DENND1B: variants seen among roughly 807,000 people sequenced by gnomAD.
DENND1B encodes DENN domain-containing protein 1B.
In DENND1B, 59 loss-of-function variants were observed where a neutral mutation model predicts 90.1. The observed-to-expected ratio is 0.65, with a 90% CI of 0.53 to 0.81. DENND1B has a LOEUF of 0.81. Ranked by LOEUF, DENND1B falls within the 40% of genes least tolerant of loss-of-function variation. The pLI is 0.00. For missense variants in DENND1B, 862 were observed against 912.6 expected (o/e 0.94, Z 0.71); for synonymous variants, 337 against 324.6 (o/e 1.04, Z -0.41).
chr1:197,685,709 T>A (rs1657163375), intron 3 of DENND1B: 1 of 152,084 alleles, frequency 6.6e-6, no homozygotes, highest in African/African-American at 2.4e-5. Flanking sequence ...AGTGATCAAT[T>A]AGTTGTAAGA....
At chr1:197,523,960 T>A (rs63570561) in intron 20 of DENND1B, among the ~76,000 whole-genome samples, 1 of 144,012 alleles carries the variant, frequency 6.9e-6, no homozygotes, top group Non-Finnish European at 1.5e-5. Context: ...ATTTTTTTTT[T>A]AAGTCAAGTG....
rs1435040029 is a variant in DENND1B at position 197,656,827 on chromosome 1, CAAAGATTAAGGGAAAAAAAAATT to C, written c.366+1450_366+1472del. Among the ~76,000 whole-genome samples the C allele has an allele frequency of 4.4e-3, 667 of 151,002 alleles. 8 individuals carry two copies. The highest frequency in any genetic ancestry group is 0.015 in the African/African-American group (624 of 41,112). ...TCCAAAAAAAATTTAAAAAAAAAAT[CAAAGATTAAGGGAAAAAAAAATT>C]AAAATCATTATCCCATAGAATTTTG... On this transcript the variant is annotated intron_variant, in intron 6 of 22. Transcript: ENST00000620048.
Position 197,540,014 on chromosome 1 carries a change from T to A in DENND1B, c.1465A>T (p.Lys489Ter). Residue 489 changes from lysine to a stop codon, truncating the protein, a stop_gained, in exon 20 of 23, where the codon AAA (lysine) becomes TAA (stop). Transcript: ENST00000620048. LOFTEE classifies it high-confidence loss of function. ...TTTCCTCCCTTTTCATTGTGTAATT[T>A]GTAAACTGGTGTATATTGTACAGAA... Reference protein sequence around the residue: ...SSSVQYTPVYKLHNEKGGNSE... With the variant: ...SSSVQYTPVY The A allele has an allele frequency of 6.2e-7, 1 of 1,613,524 alleles. No individual in the cohort carries two copies. Among genetic ancestry groups the A allele is most frequent in the Non-Finnish European group, 8.5e-7 (1 of 1,179,616 alleles).
At chr1:197,549,168 A>T (rs1671035460) in intron 16 of DENND1B, among the ~76,000 whole-genome samples, 1 of 152,098 alleles carries the variant, frequency 6.6e-6, no homozygotes, top group Admixed American at 6.6e-5. Context: ...AAAACTAGTG[A>T]TTTTCTCACA....
intron 3 of DENND1B, among the ~76,000 whole-genome samples, chr1:197,701,360 A>G (rs533403078): frequency 6.6e-6 from 1 of 152,326 alleles, no homozygotes; most frequent in African/African-American, 2.4e-5. Flanking sequence ...TTTCTCACTT[A>G]TAAGTGGGAG....
intron 8 of DENND1B, 84 bp downstream of exon 8, chr1:197,646,971 G>A (rs532542008): frequency 2.2e-4 from 218 of 1,002,994 alleles, no homozygotes; most frequent in Admixed American, 4.2e-4. Context: ...AAGGGCTGGA[G>A]TGAAGCTTAA....
intron 17 of DENND1B, among the ~76,000 whole-genome samples, 154 bp from the exon 18 acceptor site, chr1:197,546,144 C>A (rs996770382): frequency 4.6e-5 from 7 of 152,044 alleles, no homozygotes; most frequent in African/African-American, 7.2e-5. Context: ...TCAGTGTTTT[C>A]AAGTTTCTAT....
chr1:197,615,728 T>G (rs1263540726), intron 11 of DENND1B, among the ~76,000 whole-genome samples: 3 of 150,940 alleles, frequency 2.0e-5, no homozygotes, highest in Non-Finnish European at 4.5e-5. Context: ...ATTATATTAC[T>G]CCGTTCCTAT....
intron 2 of DENND1B, among the ~76,000 whole-genome samples, chr1:197,750,575 T>TAGATA (rs1345018431): frequency 1.3e-5 from 1 of 78,532 alleles, no homozygotes; most frequent in Non-Finnish European, 3.5e-5. Context: ...CAAACCTAGA[T>TAGATA]AGATAGATAG....
chr1:197,565,805 C>T (rs912486844), intron 15 of DENND1B, among the ~76,000 whole-genome samples: 2 of 150,512 alleles, frequency 1.3e-5, no homozygotes, highest in East Asian at 1.9e-4. Context: ...CATGTCCCTA[C>T]AAAGGACATG....
intron 16 of DENND1B, chr1:197,552,356 AG>A (rs1671307354): frequency 1.0e-6 from 1 of 985,428 alleles, no homozygotes; most frequent in Non-Finnish European, 1.2e-6. Flanking sequence ...CGACATTTCA[AG>A]GACTCAAGCA....
At chr1:197,667,577 G>A (rs1385014559) in intron 5 of DENND1B, among the ~76,000 whole-genome samples, 1 of 152,038 alleles carries the variant, frequency 6.6e-6, no homozygotes, top group Non-Finnish European at 1.5e-5. Context: ...TTATAGGCGT[G>A]CGCCACCACG....
At chr1:197,592,938 T>C (rs1050691147) in intron 14 of DENND1B, among the ~76,000 whole-genome samples, 3 of 152,174 alleles carry the variant, frequency 2.0e-5, no homozygotes, top group African/African-American at 7.2e-5. Context: ...AATTGTACTA[T>C]AGTAGCAGGA....
chr1:197,612,564 CTA>C (rs1677279074), intron 11 of DENND1B, among the ~76,000 whole-genome samples: 1 of 150,600 alleles, frequency 6.6e-6, no homozygotes. Flanking sequence ...ACCTACTGTG[CTA>C]TCTTTCCCCT....
At chr1:197,629,170 T>C (rs1312638449) in intron 10 of DENND1B, among the ~76,000 whole-genome samples, 2 of 152,128 alleles carry the variant, frequency 1.3e-5, no homozygotes, top group South Asian at 2.1e-4. Flanking sequence ...AGCCATCCCA[T>C]TACTGGGTAT....
At chr1:197,613,425 T>TC (rs1677359815) in intron 11 of DENND1B, among the ~76,000 whole-genome samples, 1 of 149,462 alleles carries the variant, frequency 6.7e-6, no homozygotes, top group South Asian at 2.1e-4. Flanking sequence ...TCCTTCCTAT[T>TC]TTTTTTTTAA....
At chr1:197,627,661 G>T (rs1313296251) in intron 10 of DENND1B, among the ~76,000 whole-genome samples, 1 of 151,934 alleles carries the variant, frequency 6.6e-6, no homozygotes, top group Non-Finnish European at 1.5e-5. Context: ...TCAACATAGA[G>T]TTGGAAGTTC....
At chr1:197,567,392 G>A (rs1310711637) in intron 15 of DENND1B, among the ~76,000 whole-genome samples, 1 of 152,052 alleles carries the variant, frequency 6.6e-6, no homozygotes, top group East Asian at 1.9e-4. Context: ...CAGACCTGAT[G>A]ACTCCACTGC....
chr1:197,700,985 G>A (rs1030234501), intron 3 of DENND1B, among the ~76,000 whole-genome samples: 2 of 152,172 alleles, frequency 1.3e-5, no homozygotes, highest in Admixed American at 6.5e-5. Flanking sequence ...TGGTGGGAAT[G>A]TAAATTAGTT....
Sources: allele counts gnomAD v4.1 joint callset (sites outside exome capture counted in the v4.1 genomes callset), GRCh38; gene constraint gnomAD v4.1.1; transcripts MANE v1.5; gene names NCBI Gene and HGNC (gene_info 2026-07-23, HGNC 2026-07-21).